GREB1: variants seen among roughly 807,000 people sequenced by gnomAD.
GREB1 encodes the protein protein GREB1.
Under a neutral mutation model 200.7 loss-of-function variants are expected in GREB1, and 106 were observed. The observed-to-expected ratio is 0.53, with a 90% CI of 0.45 to 0.62. The LOEUF (loss-of-function observed/expected upper bound fraction) is 0.62. GREB1 is among the 20% of genes least tolerant of loss of function. The probability of loss-of-function intolerance (pLI) is 0.00; values close to 1 mark genes in which losing one functional copy is unlikely to be tolerated. For synonymous variants in GREB1, 1,132 were observed against 1,092.4 expected (o/e 1.04, Z -0.72); for missense variants, 2,243 against 2,556.8 (o/e 0.88, Z 2.65).
intron 17 of GREB1, among the ~76,000 whole-genome samples, chr2:11,606,758 CATTATT>C (rs3035992): frequency 0.19 from 26,645 of 143,048 alleles, 2,990 homozygotes; most frequent in Admixed American, 0.31. Flanking sequence ...ATTTTAGTTT[CATTATT>C]ATTATTATTA....
At chr2:11,496,383 G>T (rs1328097136) in intron 1 of GREB1, among the ~76,000 whole-genome samples, 1 of 152,124 alleles carries the variant, frequency 6.6e-6, no homozygotes, top group Non-Finnish European at 1.5e-5. Flanking sequence ...GAGTGAAAAG[G>T]ACTGGCTCTG....
rs1441058662 is a variant in GREB1 at position 11,534,239 on chromosome 2, C to G, written c.-177C>G. On this transcript the variant is annotated 5_prime_UTR_variant, in exon 1 of 33. Transcript: ENST00000381486. Reference sequence around the variant, plus strand: ...GTGTGGAAGGACATGGCTTTTAACACGTGTGGTGACTGGAGGTAGGTGGTA... The same window carrying G: ...GTGTGGAAGGACATGGCTTTTAACAGGTGTGGTGACTGGAGGTAGGTGGTA... 6.6e-6 allele frequency: 1 copy of G among 152,276 alleles called. No homozygotes were observed. The highest frequency in any genetic ancestry group is 1.5e-5 in the Non-Finnish European group (1 of 68,040). The allele number at this position is 152,276 out of a possible 1,614,324, so 9.4% of individuals were successfully genotyped here. A position where few individuals can be genotyped will look rare whatever the true frequency, so the allele number is the denominator to read the frequency against.
At chr2:11,616,324 C>T (rs1683399904) in intron 20 of GREB1, among the ~76,000 whole-genome samples, 1 of 152,234 alleles carries the variant, frequency 6.6e-6, no homozygotes, top group Non-Finnish European at 1.5e-5. Context: ...CCCCCTCTTC[C>T]AGGAGATGCC....
intron 22 of GREB1, among the ~76,000 whole-genome samples, chr2:11,619,664 C>CATATTCTT (rs1683837599): frequency 6.6e-6 from 1 of 152,122 alleles, no homozygotes; most frequent in Non-Finnish European, 1.5e-5. Context: ...GTAAGGTTGA[C>CATATTCTT]ATATTCTTGT....
rs917055150 is a variant in GREB1, at chr2:11,493,527, G to C, written c.-159+11146G>C. Among the ~76,000 whole-genome samples the C allele has an allele frequency of 6.6e-6, 1 of 152,098 alleles. No homozygotes were observed. The highest frequency in any genetic ancestry group is 1.5e-5 in the Non-Finnish European group (1 of 68,030). Reference sequence around the variant, plus strand: ...ACAGATGAAACTTCTCTTGCCCACCGCTCACCTCCTGCTGTGTGGCCTGCT... The same window carrying C: ...ACAGATGAAACTTCTCTTGCCCACCCCTCACCTCCTGCTGTGTGGCCTGCT... On this transcript the variant is annotated intron_variant, in intron 1 of 2. Transcript: ENST00000628795. The surrounding 1 kb of genome is among the most constrained non-coding windows in gnomAD (Gnocchi z 4.6).
intron 10 of GREB1, chr2:11,592,040 G>A: frequency 1.0e-6 from 1 of 979,622 alleles, no homozygotes; most frequent in Non-Finnish European, 1.2e-6. Context: ...TTCCCAGGCT[G>A]AATGTTCTAC....
intron 1 of GREB1, among the ~76,000 whole-genome samples, chr2:11,538,189 G>A (rs1430443005): frequency 1.3e-5 from 2 of 152,192 alleles, no homozygotes; most frequent in African/African-American, 4.8e-5. Flanking sequence ...CGATGAAGGT[G>A]CAGGGATGGG....
In GREB1 at chr2:11,598,694, C is replaced by T. The variant is rs781732148; in HGVS notation, c.2167C>T (p.Leu723Phe). The T allele has an allele frequency of 9.9e-6, 16 of 1,614,040 alleles. No homozygotes were observed. In the South Asian group the frequency reaches 1.4e-4, roughly 14 times the overall value. The change falls in exon 15 of 33, where the codon CTT (leucine) becomes TTT (phenylalanine). Residue 723 changes from leucine (L) to phenylalanine (F), a missense_variant. Coordinates refer to ENST00000381486, the MANE Select transcript of GREB1 (RefSeq NM_014668.4). ...HVWHSGVLLE[L>F]GLKKEHMTKQ... Reference sequence around the variant, plus strand: ...TTGTGTTGCAGGGGTTTTGCTGGAGCTTGGTCTGAAGAAAGAGCACATGAC... The same window carrying T: ...TTGTGTTGCAGGGGTTTTGCTGGAGTTTGGTCTGAAGAAAGAGCACATGAC...
rs1672793424 is a variant in GREB1 at position 11,492,474 on chromosome 2, G to A, written c.-159+10093G>A. On this transcript the variant is annotated intron_variant, in intron 1 of 2. Coordinates refer to the GREB1 transcript ENST00000628795. This position sits in a 1 kb window ranked among gnomAD's most constrained non-coding sequence, Gnocchi z 4.0. ...GAGCTCAGCTGTGTTATCACAGTCT[G>A]TGATCTGGAGCCGGCTTTGCATGGC... 6.6e-6 allele frequency among the ~76,000 whole-genome samples: 1 copy of A among 152,184 alleles called. No individual in the cohort carries two copies. The highest frequency in any genetic ancestry group is 2.1e-4 in the South Asian group (1 of 4,832).
intron 32 of GREB1, among the ~76,000 whole-genome samples, chr2:11,639,778 A>T (rs1685672661): frequency 1.3e-5 from 2 of 152,158 alleles, no homozygotes; most frequent in Admixed American, 1.3e-4. Flanking sequence ...AGGACTGGAC[A>T]CAAAGGTGGG....
chr2:11,585,075 CAG>C, intron 7 of GREB1, 84 bp from the exon 8 acceptor site: 2 of 627,816 alleles, frequency 3.2e-6, no homozygotes, highest in South Asian at 7.0e-5. Context: ...CAAAACAAAA[CAG>C]ATCATTGTTC....
rs888552185 is a variant in GREB1 at position 11,492,062 on chromosome 2, G to A, written c.-159+9681G>A. On this transcript the variant is annotated intron_variant, in intron 1 of 2. Coordinates refer to the GREB1 transcript ENST00000628795. This position sits in a 1 kb window ranked among gnomAD's most constrained non-coding sequence, Gnocchi z 4.0. ...CTGCCCTTGGTGCTATTGATTTCAC[G>A]GTCCTCTTCCCTGGATTCCCCATGG... 3.3e-5 allele frequency among the ~76,000 whole-genome samples: 5 copies of A among 152,068 alleles called. No individual in the cohort carries two copies. The highest frequency in any genetic ancestry group is 3.9e-4 in the East Asian group (2 of 5,188).
chr2:11,541,783 G>C (rs1572628583), intron 1 of GREB1, among the ~76,000 whole-genome samples: 2 of 152,204 alleles, frequency 1.3e-5, no homozygotes, highest in Admixed American at 1.3e-4. Flanking sequence ...CGGGCCCCTC[G>C]TTGCCCTCCT....
At chr2:11,587,733 ACACACACACGC>A in intron 9 of GREB1, 1 of 1,175,008 alleles carries the variant, frequency 8.5e-7, no homozygotes, top group South Asian at 2.8e-5. Context: ...ACACACACAC[ACACACACACGC>A]CACCTTTGGG....
intron 2 of GREB1, among the ~76,000 whole-genome samples, chr2:11,557,443 A>T (rs951149266): frequency 2.0e-4 from 30 of 152,206 alleles, no homozygotes; most frequent in Non-Finnish European, 3.1e-4. Flanking sequence ...TCTCTTAGTT[A>T]TTGAAGTGAA....
chr2:11,502,136 C>T (rs1202903444), intron 1 of GREB1, among the ~76,000 whole-genome samples: 1 of 150,208 alleles, frequency 6.7e-6, no homozygotes, highest in African/African-American at 2.5e-5. Context: ...AGGCTGGTCT[C>T]GAACTCTTGA....
Position 11,496,677 on chromosome 2 carries a change from C to T in GREB1, c.-159+14296C>T, listed in dbSNP as rs181260494. On this transcript the variant is annotated intron_variant, in intron 1 of 2. Coordinates refer to the GREB1 transcript ENST00000628795. ...TAAATTTTAATTCAAATTTTTATTTCGAGATAATGGTATATTTACATGCAC... is the reference window on the plus strand; with the variant it reads ...TAAATTTTAATTCAAATTTTTATTTTGAGATAATGGTATATTTACATGCAC... 1.2e-3 allele frequency among the ~76,000 whole-genome samples: 178 copies of T among 152,132 alleles called. 1 individual carries two copies. Among genetic ancestry groups the T allele is most frequent in the African/African-American group, 4.0e-3 (167 of 41,488 alleles).
At chr2:11,605,430 T>C (rs539123218) in intron 17 of GREB1, among the ~76,000 whole-genome samples, 2 of 152,118 alleles carry the variant, frequency 1.3e-5, no homozygotes, top group South Asian at 2.1e-4. Context: ...TTCACCACGT[T>C]GGTCAGGCTG....
chr2:11,567,889 T>C (rs565722649), intron 4 of GREB1, among the ~76,000 whole-genome samples: 2 of 152,322 alleles, frequency 1.3e-5, no homozygotes, highest in East Asian at 3.9e-4. Flanking sequence ...CCCCCTGGGC[T>C]TCTGCGTCCT....
Sources: gnomAD v4.1 joint callset for allele counts (sites outside exome capture counted in the v4.1 genomes callset) on GRCh38, gnomAD v4.1.1 for gene constraint, Gnocchi (gnomAD v3.1) non-coding constraint, MANE v1.5 for transcripts, NCBI Gene and HGNC (gene_info 2026-07-23, HGNC 2026-07-21) for gene names.